CACNG2: variants seen among roughly 807,000 people sequenced by gnomAD.
CACNG2 encodes the protein calcium voltage-gated channel auxiliary subunit gamma 2.
A neutral mutation model predicts 25.9 loss-of-function variants in CACNG2; 3 were observed. The observed-to-expected ratio is 0.12, with a 90% confidence interval of 0.05 to 0.30. The LOEUF (loss-of-function observed/expected upper bound fraction) is 0.30. Among genes scored for constraint, CACNG2 ranks in the 10% least tolerant of loss-of-function variants. The pLI is 1.00. For missense variants in CACNG2, 341 were observed against 432.5 expected (o/e 0.79, Z 1.88); for synonymous variants, 167 against 173.3 (o/e 0.96, Z 0.29).
At chr22:36,679,187 TTCCTTC>T (rs1569049826) in intron 1 of CACNG2, among the ~76,000 whole-genome samples, 315 of 95,840 alleles carry the variant, frequency 3.3e-3, no homozygotes, top group Middle Eastern at 0.012. Flanking sequence ...CCTTCCTTCC[TTCCTTC>T]CTTCCTTTCT....
At chr22:36,629,980 C>G (rs1388228306) in intron 1 of CACNG2, among the ~76,000 whole-genome samples, 2 of 152,176 alleles carry the variant, frequency 1.3e-5, no homozygotes, top group Non-Finnish European at 2.9e-5. Flanking sequence ...ACCTTCCATG[C>G]TGCCCCCTGC....
chr22:36,605,515 C>A (rs1175153297), intron 1 of CACNG2, among the ~76,000 whole-genome samples: 1 of 152,214 alleles, frequency 6.6e-6, no homozygotes, highest in African/African-American at 2.4e-5. Flanking sequence ...CAGTGATGCT[C>A]AGTGGTTAGC....
intron 1 of CACNG2, among the ~76,000 whole-genome samples, chr22:36,643,474 G>GTCTATCTA (rs66945856): frequency 0.014 from 2,063 of 149,186 alleles, 12 homozygotes; most frequent in African/African-American, 0.023. Context: ...CTATCTGTCT[G>GTCTATCTA]TCTATCTATC....
chr22:36,607,508 T>C (rs1024682881), intron 1 of CACNG2, among the ~76,000 whole-genome samples: 2 of 152,218 alleles, frequency 1.3e-5, no homozygotes, highest in Admixed American at 6.5e-5. Context: ...CCTCCCGAAG[T>C]GCTGGGATTA....
intron 1 of CACNG2, among the ~76,000 whole-genome samples, chr22:36,595,319 G>A (rs921462531): frequency 3.3e-5 from 5 of 152,174 alleles, no homozygotes; most frequent in African/African-American, 1.2e-4. Context: ...GCAGTGTGCG[G>A]GCCGGCTCGC....
At chr22:36,605,186 T>C (rs1325397700) in intron 1 of CACNG2, among the ~76,000 whole-genome samples, 1 of 152,184 alleles carries the variant, frequency 6.6e-6, no homozygotes, top group African/African-American at 2.4e-5. Flanking sequence ...GCAATTCTCC[T>C]GCCTCAGCCT....
chr22:36,679,231 CTTCTTTCTTTCT>C (rs993807935), intron 1 of CACNG2, among the ~76,000 whole-genome samples: 3 of 86,716 alleles, frequency 3.5e-5, no homozygotes, highest in East Asian at 2.9e-4. Context: ...TCTTTCTTTC[CTTCTTTCTTTCT>C]TTCTTTTCTT....
chr22:36,614,089 T>C (rs933399635), intron 1 of CACNG2, among the ~76,000 whole-genome samples: 1 of 152,200 alleles, frequency 6.6e-6, no homozygotes, highest in Admixed American at 6.5e-5. Context: ...GAGCTGCCTC[T>C]CCTCAGTGCC....
At chr22:36,566,296 T>A in intron 3 of CACNG2, 57 bp downstream of exon 3, 1 of 1,583,104 alleles carries the variant, frequency 6.3e-7, no homozygotes, top group Non-Finnish European at 8.7e-7. Flanking sequence ...TCGTGGCCCC[T>A]GAGCACCCAC....
intron 1 of CACNG2, among the ~76,000 whole-genome samples, chr22:36,701,863 A>G (rs1937415154): frequency 6.6e-6 from 1 of 152,202 alleles, no homozygotes; most frequent in African/African-American, 2.4e-5. Context: ...CTTAGAAACA[A>G]CATATTCTTT....
At chr22:36,591,193 C>T (rs942208283) in intron 1 of CACNG2, among the ~76,000 whole-genome samples, 28 of 152,248 alleles carry the variant, frequency 1.8e-4, no homozygotes, top group African/African-American at 6.0e-4. Context: ...CCCGCCACTA[C>T]GCCCGGCTAA....
intron 1 of CACNG2, among the ~76,000 whole-genome samples, chr22:36,679,902 A>G (rs1286265472): frequency 6.6e-6 from 1 of 152,032 alleles, no homozygotes; most frequent in African/African-American, 2.4e-5. Flanking sequence ...GGATGATAAC[A>G]ATCCCTGTTA....
rs1937440116 is a variant in CACNG2, at chr22:36,703,458, C to G, written c.-882G>C. 1 of 152,610 alleles carries G rather than the reference C, an allele frequency of 6.6e-6. No individual in the cohort carries two copies. Among genetic ancestry groups the G allele is most frequent in the East Asian group, 1.9e-4 (1 of 5,172 alleles). 9.5% of individuals were successfully genotyped at this position (152,610 alleles called of 1,614,324 possible). On this transcript the variant is annotated 5_prime_UTR_variant, in exon 1 of 4. Transcript: ENST00000300105. ...AGCCGGCGTCTTGCTGCAGGGTGGG[C>G]CGCGCGCCTGCCCCCCACTCGCTAC...
At chr22:36,698,473 CT>C (rs935084654) in intron 1 of CACNG2, among the ~76,000 whole-genome samples, 64 of 151,668 alleles carry the variant, frequency 4.2e-4, no homozygotes, top group African/African-American at 1.4e-3. Flanking sequence ...AAGATGAATC[CT>C]TTTTTTTTCC....
intron 1 of CACNG2, among the ~76,000 whole-genome samples, chr22:36,600,451 A>C (rs4820243): frequency 1.8e-3 from 28 of 15,820 alleles, no homozygotes; most frequent in Admixed American, 8.0e-3. Flanking sequence ...CCAAAAAAAC[A>C]AAAAAAAAAA....
At chr22:36,692,089 C>G (rs527546081) in intron 1 of CACNG2, among the ~76,000 whole-genome samples, 7 of 152,294 alleles carry the variant, frequency 4.6e-5, no homozygotes, top group African/African-American at 1.7e-4. Context: ...AAGAATTGGT[C>G]TAGGGGTCAG....
chr22:36,696,446 G>A (rs1439837905), intron 1 of CACNG2, among the ~76,000 whole-genome samples: 1 of 152,138 alleles, frequency 6.6e-6, no homozygotes, highest in Non-Finnish European at 1.5e-5. Flanking sequence ...AGCTCACCAT[G>A]CAGGAAGAAT....
rs200600420 is a variant in CACNG2, at chr22:36,645,536, C to CAAAAAAA, written c.211+56823_211+56829dup. 3.1e-3 allele frequency among the ~76,000 whole-genome samples: 418 copies of CAAAAAAA among 134,748 alleles called. 10 individuals carry two copies. The highest frequency in any genetic ancestry group is 8.3e-3 in the African/African-American group (302 of 36,274). The allele number at this position is 134,748 out of a possible 152,430, so 88.4% of individuals were successfully genotyped here. On this transcript the variant is annotated intron_variant, in intron 1 of 3. Coordinates refer to ENST00000300105, the MANE Select transcript of CACNG2 (RefSeq NM_006078.5). The stretch of plus-strand genomic sequence containing the variant: ...TGGGCGACAGAGCAAGACTCTGTCT[C>CAAAAAAA]AAAAAAAAAAAAAAAAAAAAAAAAA...
chr22:36,654,470 G>C (rs1184213698), intron 1 of CACNG2, among the ~76,000 whole-genome samples: 2 of 152,040 alleles, frequency 1.3e-5, no homozygotes, highest in Non-Finnish European at 2.9e-5. Flanking sequence ...GGGCCCAAGT[G>C]ATCCTCCTGC....
Sources: allele counts gnomAD v4.1 joint callset (sites outside exome capture counted in the v4.1 genomes callset), GRCh38; gene constraint gnomAD v4.1.1; transcripts MANE v1.5; gene names NCBI Gene and HGNC (gene_info 2026-07-23, HGNC 2026-07-21).